Variants in SH3BP4 observed in about 807,000 individuals in gnomAD.
The protein encoded by SH3BP4 is SH3 domain-binding protein 4.
Under a neutral mutation model 65.5 loss-of-function variants are expected in SH3BP4, and 33 were observed. The ratio of observed to expected loss-of-function variants is 0.50; its 90% CI spans 0.38 to 0.67. SH3BP4 has a LOEUF of 0.67. Ranked by LOEUF, SH3BP4 falls within the 30% of genes least tolerant of loss-of-function variation. The pLI is 0.00. For missense variants in SH3BP4, 1,134 were observed against 1,261.4 expected, an observed-to-expected ratio of 0.90 and a Z score of 1.53; for synonymous variants, 552 against 545.5, an observed-to-expected ratio of 1.01 and a Z score of -0.17.
intron 2 of SH3BP4, among the ~76,000 whole-genome samples, chr2:235,028,588 A>C (rs772514005): frequency 1.3e-5 from 2 of 152,276 alleles, no homozygotes; most frequent in African/African-American, 4.8e-5. Flanking sequence ...TTGAGAGCCA[A>C]CCATGCACAT....
At chr2:235,009,748 T>C (rs910137791) in intron 2 of SH3BP4, among the ~76,000 whole-genome samples, 1 of 152,134 alleles carries the variant, frequency 6.6e-6, no homozygotes, top group African/African-American at 2.4e-5. Flanking sequence ...GCCAGAGCCA[T>C]GTGTTTGCTC....
rs1454774139 is a variant in SH3BP4, at chr2:235,042,518, G to T, written c.1749G>T (p.Glu583Asp). 1 of 1,614,150 alleles carries T rather than the reference G, an allele frequency of 6.2e-7. No individual in the cohort carries two copies. The highest frequency in any genetic ancestry group is 2.2e-5 in the East Asian group (1 of 44,868). Residue 583 changes from glutamate to aspartate, a missense_variant, in exon 4 of 6, where the codon GAG (glutamate) becomes GAT (aspartate). Coordinates refer to ENST00000392011, the MANE Select transcript of SH3BP4 (RefSeq NM_014521.3). The surrounding 1 kb of genome is among the most constrained non-coding windows in gnomAD (Gnocchi z 7.3). ...CCATCACCTCCCAGAACCCCAACGA[G>T]CTCTCTGACTTCACGCTGCGGGTTC... ...IFPITSQNPN[E>D]LSDFTLRVQV...
Position 235,042,788 on chromosome 2 carries a change from C to T in SH3BP4, c.2019C>T (p.Tyr673=), listed in dbSNP as rs775218761. 3 of 1,614,042 alleles carry T rather than the reference C, an allele frequency of 1.9e-6. 1 individual carries two copies. The South Asian group carries it at 3.3e-5, about 18-fold the overall frequency. ...KTVVRQNKNH[Y]LLEYKKGDGI... is the part of the protein sequence containing the mutation. ...TGGTGCGGCAGAACAAGAACCACTA[C>T]CTGCTGGAGTACAAGAAGGGCGACG... The change falls in exon 4 of 6, where the codon TAC becomes TAT. Residue 673 remains tyrosine, a synonymous_variant. Transcript: ENST00000392011. This position sits in a 1 kb window ranked among gnomAD's most constrained non-coding sequence, Gnocchi z 7.3.
intron 1 of SH3BP4, among the ~76,000 whole-genome samples, chr2:234,963,551 A>G (rs760444825): frequency 6.6e-6 from 1 of 152,210 alleles, no homozygotes; most frequent in Non-Finnish European, 1.5e-5. Context: ...AGGGTGGGTC[A>G]ACAGAGTAAT....
rs772226625 is a variant in SH3BP4, at chr2:235,052,802, C to T, written c.2667+52C>T. The stretch of plus-strand genomic sequence containing the variant: ...ACCGAGCCCCTCTGTCCCTGGGTTC[C>T]GTGGACCCATGCAGTGCAGCCATAA... On this transcript the variant is annotated intron_variant, in intron 5 of 5. Transcript: ENST00000392011. This position sits in a 1 kb window ranked among gnomAD's most constrained non-coding sequence, Gnocchi z 5.0. The T allele has an allele frequency of 1.5e-5, 22 of 1,481,074 alleles. 1 individual carries two copies. Among genetic ancestry groups the T allele is most frequent in the South Asian group, 7.6e-5 (6 of 79,114 alleles). The allele number at this position is 1,481,074 out of a possible 1,614,324, so 91.7% of individuals were successfully genotyped here.
chr2:235,053,262 CA>C (rs1325744742), intron 5 of SH3BP4, among the ~76,000 whole-genome samples: 1 of 152,146 alleles, frequency 6.6e-6, no homozygotes, highest in Non-Finnish European at 1.5e-5. Context: ...GTCCCAAGGA[CA>C]AAGCTGTCTT....
At chr2:234,998,222 G>T (rs535575619) in intron 2 of SH3BP4, among the ~76,000 whole-genome samples, 9 of 152,312 alleles carry the variant, frequency 5.9e-5, no homozygotes, top group African/African-American at 2.2e-4. Context: ...TAGCTTAGCT[G>T]GGTGCCTGGG....
intron 1 of SH3BP4, among the ~76,000 whole-genome samples, chr2:234,959,598 T>C (rs1692660200): frequency 6.6e-6 from 1 of 152,134 alleles, no homozygotes; most frequent in Non-Finnish European, 1.5e-5. Context: ...TCAGGTAGGT[T>C]TACCTTGCCT....
At chr2:235,053,019 T>C (rs548655365) in intron 5 of SH3BP4, among the ~76,000 whole-genome samples, 3 of 152,348 alleles carry the variant, frequency 2.0e-5, no homozygotes, top group African/African-American at 7.2e-5. Context: ...CCCTTGTTCA[T>C]TTTGATCTTA....
Position 235,052,531 on chromosome 2 carries a change from T to C in SH3BP4, c.2479-31T>C. ...GCAGAGCCTGCCCCACTCCCTACACTGTCTCACGCTGTGTGCCTCTTCCTC... is the reference window on the plus strand; with the variant it reads ...GCAGAGCCTGCCCCACTCCCTACACCGTCTCACGCTGTGTGCCTCTTCCTC... On this transcript the variant is annotated intron_variant, in intron 4 of 5. Coordinates refer to ENST00000392011, the MANE Select transcript of SH3BP4 (RefSeq NM_014521.3). The surrounding 1 kb of genome is among the most constrained non-coding windows in gnomAD (Gnocchi z 5.0). 1 of 1,510,314 alleles carries C rather than the reference T, an allele frequency of 6.6e-7. No individual in the cohort carries two copies. Among genetic ancestry groups the C allele is most frequent in the East Asian group, 2.5e-5 (1 of 40,268 alleles). The allele number at this position is 1,510,314 out of a possible 1,614,324, so 93.6% of individuals were successfully genotyped here. A position where few individuals can be genotyped will look rare whatever the true frequency, so the allele number is the denominator to read the frequency against.
intron 2 of SH3BP4, among the ~76,000 whole-genome samples, chr2:235,022,964 T>A (rs1465538355): frequency 6.6e-6 from 1 of 152,296 alleles, no homozygotes; most frequent in Non-Finnish European, 1.5e-5. Context: ...TCCTCACATC[T>A]TTCTAGCCAG....
At position 235,038,265 on chromosome 2, in the gene SH3BP4, T is replaced by TTATATATACTATATAG. The variant is rs1391576541; in HGVS notation, c.119-2615_119-2614insCTATATAGTATATATA. Among the ~76,000 whole-genome samples the TTATATATACTATATAG allele has an allele frequency of 5.8e-4, 24 of 41,210 alleles. 1 individual carries two copies. The highest frequency in any genetic ancestry group is 2.4e-3 in the African/African-American group (22 of 9,142). 27.0% of individuals were successfully genotyped at this position (41,210 alleles called of 152,430 possible). Reference sequence around the variant, plus strand: ...ATATATATATTATATATAATATATATTATATATAATATATATTATATATAA... The same window carrying TTATATATACTATATAG: ...ATATATATATTATATATAATATATATTATATATACTATATAGTATATATAATATATATTATATATAA... On this transcript the variant is annotated intron_variant, in intron 3 of 5. Transcript: ENST00000392011.
rs1004116018 is a variant in SH3BP4, at chr2:235,055,011, A to G, written c.*1195A>G. On this transcript the variant is annotated 3_prime_UTR_variant, in exon 6 of 6. Transcript: ENST00000392011. ...CATCTGAGCAAGATGAGCATTTTGT[A>G]AAAATGAAAATGTGACTCACATAAA... 6.6e-6 allele frequency: 1 copy of G among 152,248 alleles called. No homozygotes were observed. The highest frequency in any genetic ancestry group is 2.4e-5 in the African/African-American group (1 of 41,466). 9.4% of individuals were successfully genotyped at this position (152,248 alleles called of 1,614,324 possible).
rs1327146699 is a variant in SH3BP4 at position 235,039,357 on chromosome 2, T to A, written c.119-1531T>A. Among the ~76,000 whole-genome samples the A allele has an allele frequency of 2.6e-5, 4 of 152,100 alleles. No homozygotes were observed. In the East Asian group the frequency reaches 7.7e-4, roughly 29 times the overall value. ...AAGGAAAAGGAAACTGGCAGGTGATTTTCTGGGGTCGGGGGGGCAATTTGA... is the reference window on the plus strand; with the variant it reads ...AAGGAAAAGGAAACTGGCAGGTGATATTCTGGGGTCGGGGGGGCAATTTGA... On this transcript the variant is annotated intron_variant, in intron 3 of 5. Transcript: ENST00000392011.
At chr2:234,958,070 G>C (rs897743904) in intron 1 of SH3BP4, among the ~76,000 whole-genome samples, 2 of 152,084 alleles carry the variant, frequency 1.3e-5, no homozygotes, top group African/African-American at 4.8e-5. Flanking sequence ...CAGGGGGTCA[G>C]GATGAAGCCA....
In SH3BP4 at chr2:234,982,172, C is replaced by T. The variant is rs768438838; in HGVS notation, c.-206-13131C>T. Reference sequence around the variant, plus strand: ...CTGGGTTTTGTCTAGAGACCTCTCCCGGCCCAGCTACACTTTGAAGCCCGC... The same window carrying T: ...CTGGGTTTTGTCTAGAGACCTCTCCTGGCCCAGCTACACTTTGAAGCCCGC... On this transcript the variant is annotated intron_variant, in intron 1 of 5. Transcript: ENST00000392011. Among the ~76,000 whole-genome samples the T allele has an allele frequency of 3.3e-5, 5 of 152,158 alleles. No homozygotes were observed. In the South Asian group the frequency reaches 8.3e-4, roughly 25 times the overall value.
chr2:235,039,072 G>A lies in SH3BP4; in HGVS notation c.119-1816G>A, dbSNP rs371732899. Among the ~76,000 whole-genome samples, 9 of 152,132 alleles carry A rather than the reference G, an allele frequency of 5.9e-5. No homozygotes were observed. The East Asian group carries it at 9.6e-4, about 16-fold the overall frequency. ...GAAATACACTTTTTGTCCACCATGA[G>A]TGGAGTCTTAGGCTCTGGAGATCAC... On this transcript the variant is annotated intron_variant, in intron 3 of 5. Coordinates refer to ENST00000392011, the MANE Select transcript of SH3BP4 (RefSeq NM_014521.3).
At chr2:234,954,464 G>T (rs1170378196) in intron 1 of SH3BP4, among the ~76,000 whole-genome samples, 2 of 152,170 alleles carry the variant, frequency 1.3e-5, no homozygotes, top group Admixed American at 6.5e-5. Context: ...TCAAGAGGGG[G>T]TTTTGGAAAG....
rs1384931560 is a variant in SH3BP4 at position 234,967,822 on chromosome 2, C to T, written c.-207+15652C>T. ...GATCAGAGCCAGGATCCCTGCCACC[C>T]TGAGTGGCGGATGCTGCAGAGACAA... On this transcript the variant is annotated intron_variant, in intron 1 of 5. Coordinates refer to ENST00000392011, the MANE Select transcript of SH3BP4 (RefSeq NM_014521.3). The surrounding 1 kb of genome is among the most constrained non-coding windows in gnomAD (Gnocchi z 4.6). Among the ~76,000 whole-genome samples the T allele has an allele frequency of 6.6e-6, 1 of 152,176 alleles. No homozygotes were observed. Among genetic ancestry groups the T allele is most frequent in the Non-Finnish European group, 1.5e-5 (1 of 68,028 alleles).
Sources: allele counts gnomAD v4.1 joint callset (sites outside exome capture counted in the v4.1 genomes callset), GRCh38; gene constraint gnomAD v4.1.1; non-coding constraint Gnocchi (gnomAD v3.1); transcripts MANE v1.5; gene names NCBI Gene and HGNC (gene_info 2026-07-23, HGNC 2026-07-21).